The following GOLGA1 variants were observed in gnomAD, a reference collection of about 807,000 sequenced individuals.
GOLGA1 encodes golgin subfamily A member 1.
Under a neutral mutation model 119.7 loss-of-function variants are expected in GOLGA1, and 63 were observed. The observed-to-expected ratio is 0.53, with a 90% CI of 0.43 to 0.65. GOLGA1 has a LOEUF of 0.65. Ranked by LOEUF, GOLGA1 falls within the 30% of genes least tolerant of loss-of-function variation. The pLI, the probability that GOLGA1 is intolerant of heterozygous loss-of-function variation, is 0.00. For synonymous variants in GOLGA1, 318 were observed against 333.4 expected (o/e 0.95, Z 0.50); for missense variants, 798 against 912.8 (o/e 0.87, Z 1.62).
rs961446082 is a variant in GOLGA1 at position 124,899,347 on chromosome 9, G to A, written c.1293C>T (p.Thr431=). 1 of 1,549,352 alleles carries A rather than the reference G, an allele frequency of 6.5e-7. No individual in the cohort carries two copies. The highest frequency in any genetic ancestry group is 1.2e-5 in the South Asian group (1 of 84,062). ...ALERTRAADQ[T]TAEQGMRQLE... is the part of the protein sequence containing the mutation. ...CACTCACCATCCCTTGCTCTGCGGT[G>A]GTCTGGTCAGCTGCCCGCGTTCTCT... Residue 431 remains threonine (T), a synonymous_variant, in exon 14 of 23, where the codon ACC becomes ACT. Coordinates refer to ENST00000373555, the MANE Select transcript of GOLGA1 (RefSeq NM_002077.4).
At chr9:124,926,619 G>A in intron 7 of GOLGA1, 90 bp downstream of exon 7, 1 of 822,966 alleles carries the variant, frequency 1.2e-6, no homozygotes, top group East Asian at 2.4e-5. Context: ...AGGTGGTATA[G>A]CAATCAGTAT....
At chr9:124,911,797 T>TA in intron 11 of GOLGA1, 104 bp downstream of exon 11, 1 of 962,164 alleles carries the variant, frequency 1.0e-6, no homozygotes, top group South Asian at 1.6e-5. Context: ...TTTGTTACCA[T>TA]GCTGTTTGCT....
chr9:124,891,306 G>A (rs146614845), intron 15 of GOLGA1, among the ~76,000 whole-genome samples: 43 of 152,348 alleles, frequency 2.8e-4, no homozygotes, highest in East Asian at 2.7e-3. Flanking sequence ...ACCCATGCAC[G>A]GCTGCCTCTG....
At chr9:124,938,907 T>C in intron 2 of GOLGA1, 41 bp from the exon 3 acceptor site, 1 of 478,322 alleles carries the variant, frequency 2.1e-6, no homozygotes, top group Non-Finnish European at 3.6e-6. Context: ...AGTTAAACAT[T>C]GGAAAGATTT....
chr9:124,911,912 G>GTTCAGTTACCTCT lies in GOLGA1; in HGVS notation c.957_958insAGAGGTAACTGAA (p.Leu320ArgfsTer4). Reference sequence around the variant, plus strand: ...AGAACAGAAGTTACCTCTTTCAGGAGTTCTTGCAAGTGTTCTTCTCCTGAT... The same window carrying GTTCAGTTACCTCT: ...AGAACAGAAGTTACCTCTTTCAGGAGTTCAGTTACCTCTTTCTTGCAAGTGTTCTTCTCCTGAT... On this transcript the variant is annotated stop_gained and frameshift_variant, in exon 11 of 23. Transcript: ENST00000373555. LOFTEE classifies it high-confidence loss of function. 1 of 1,612,234 alleles carries GTTCAGTTACCTCT rather than the reference G, an allele frequency of 6.2e-7. No individual in the cohort carries two copies. Among genetic ancestry groups the GTTCAGTTACCTCT allele is most frequent in the Non-Finnish European group, 8.5e-7 (1 of 1,178,438 alleles).
At chr9:124,930,218 C>T (rs2131518842) in intron 4 of GOLGA1, among the ~76,000 whole-genome samples, 1 of 152,290 alleles carries the variant, frequency 6.6e-6, no homozygotes, top group East Asian at 1.9e-4. Flanking sequence ...TTCTTCCTAC[C>T]ATATGGGGAA....
rs528810919 is a variant in GOLGA1 at position 124,883,901 on chromosome 9, GTTT to G, written c.1906-1335_1906-1333del. On this transcript the variant is annotated intron_variant, in intron 19 of 22. Transcript: ENST00000373555. ...CCACGCCTGGCTAATTTTCTTTGAT[GTTT>G]AAATAGTATTATGAGCCTTACATTT... Among the ~76,000 whole-genome samples the G allele has an allele frequency of 2.8e-4, 42 of 151,234 alleles. 2 individuals carry two copies. In the East Asian group the frequency reaches 8.3e-3, roughly 30 times the overall value.
chr9:124,904,017 C>T (rs1345849974), intron 12 of GOLGA1, among the ~76,000 whole-genome samples: 1 of 150,798 alleles, frequency 6.6e-6, no homozygotes, highest in East Asian at 1.9e-4. Flanking sequence ...GAGCCGAGAT[C>T]GTGCCACTGC....
At chr9:124,908,530 A>G in intron 11 of GOLGA1, 58 bp from the exon 12 acceptor site, 1 of 900,842 alleles carries the variant, frequency 1.1e-6, no homozygotes, top group Non-Finnish European at 1.9e-6. Context: ...ATAAATATTT[A>G]CAGATTATCT....
At chr9:124,940,208 C>T (rs1191116915) in intron 1 of GOLGA1, 53 bp from the exon 2 acceptor site, 1 of 151,732 alleles carries the variant, frequency 6.6e-6, no homozygotes, top group East Asian at 1.9e-4. Flanking sequence ...AAGTGTATGG[C>T]CAAAATGTTG....
In GOLGA1 at chr9:124,890,399, A is replaced by T. The variant is rs1829827826; in HGVS notation, c.1487T>A (p.Phe496Tyr). ...LEEVRKQREE[F>Y]QQQAANLTAI... is the part of the protein sequence containing the mutation. ...TGAAACAGGGCCCACCTGTTGCTGGAACTCTTCCCTTTGCTTCCGCACCTC... is the reference window on the plus strand; with the variant it reads ...TGAAACAGGGCCCACCTGTTGCTGGTACTCTTCCCTTTGCTTCCGCACCTC... Residue 496 changes from phenylalanine to tyrosine, a missense_variant, in exon 16 of 23, where the codon TTC becomes TAC. By Grantham distance (22) the Phe-to-Tyr change is conservative (BLOSUM62 3). Transcript: ENST00000373555. The T allele has an allele frequency of 6.2e-7, 1 of 1,611,104 alleles. No homozygotes were observed. Among genetic ancestry groups the T allele is most frequent in the African/African-American group, 1.3e-5 (1 of 74,884 alleles).
chr9:124,924,295 A>G (rs1830628365), intron 7 of GOLGA1, among the ~76,000 whole-genome samples: 1 of 151,818 alleles, frequency 6.6e-6, no homozygotes, highest in Non-Finnish European at 1.5e-5. Flanking sequence ...TAAAAAAAAG[A>G]AAAAAAAATT....
intron 9 of GOLGA1, 23 bp downstream of exon 9, chr9:124,921,700 G>T: frequency 6.3e-7 from 1 of 1,591,620 alleles, no homozygotes; most frequent in Non-Finnish European, 8.6e-7. Context: ...TCTTCCCAAG[G>T]GCCCCACAGA....
In GOLGA1 at chr9:124,881,948, T is replaced by C. The variant is rs1413586261; in HGVS notation, c.1972A>G (p.Arg658Gly). ...ACTTCGAAGAGCTCATTATCGGGTCTGATTTTCTGAAAAACCAGTGGGAAA... is the reference window on the plus strand; with the variant it reads ...ACTTCGAAGAGCTCATTATCGGGTCCGATTTTCTGAAAAACCAGTGGGAAA... ...RKTLQKELKI[R>G]PDNELFEVRE... The change falls in exon 21 of 23, where the codon AGA (arginine) becomes GGA (glycine). Residue 658 changes from arginine to glycine, a missense_variant. Coordinates refer to ENST00000373555, the MANE Select transcript of GOLGA1 (RefSeq NM_002077.4). This position sits in a 1 kb window ranked among gnomAD's most constrained non-coding sequence, Gnocchi z 4.9. 6 of 1,600,022 alleles carry C rather than the reference T, an allele frequency of 3.7e-6. No homozygotes were observed. The Admixed American group carries it at 7.1e-5, about 19-fold the overall frequency.
chr9:124,892,801 G>A (rs1272804386), intron 15 of GOLGA1, among the ~76,000 whole-genome samples: 1 of 151,918 alleles, frequency 6.6e-6, no homozygotes, highest in Non-Finnish European at 1.5e-5. Flanking sequence ...GTGTGGTGGT[G>A]CATGCCTGTG....
chr9:124,913,959 T>C (rs1588081881), intron 10 of GOLGA1, among the ~76,000 whole-genome samples: 1 of 151,776 alleles, frequency 6.6e-6, no homozygotes, highest in African/African-American at 2.4e-5. Flanking sequence ...AGAGGCTGGG[T>C]GAGGAGGAAA....
intron 4 of GOLGA1, among the ~76,000 whole-genome samples, chr9:124,929,615 A>T (rs1369279868): frequency 6.6e-6 from 1 of 152,204 alleles, no homozygotes; most frequent in African/African-American, 2.4e-5. Flanking sequence ...CTTAATTTCA[A>T]ATCTCAGTTT....
At chr9:124,932,766 G>C (rs932003869) in intron 3 of GOLGA1, among the ~76,000 whole-genome samples, 1 of 152,230 alleles carries the variant, frequency 6.6e-6, no homozygotes, top group Non-Finnish European at 1.5e-5. Flanking sequence ...CAAAATTAAG[G>C]TGCCAGCAGA....
upstream of GOLGA1, chr9:124,943,539 C>A (rs1831093368): frequency 6.6e-6 from 1 of 152,024 alleles, no homozygotes; most frequent in Non-Finnish European, 1.5e-5. Context: ...CTCTATAATC[C>A]CTATAGTGTT....
Sources: gnomAD v4.1 joint callset for allele counts (sites outside exome capture counted in the v4.1 genomes callset) on GRCh38, gnomAD v4.1.1 for gene constraint, Gnocchi (gnomAD v3.1) non-coding constraint, MANE v1.5 for transcripts, NCBI Gene and HGNC (gene_info 2026-07-23, HGNC 2026-07-21) for gene names.